Variants in PLCH2 observed in about 807,000 individuals in gnomAD.
PLCH2 encodes the protein 1-phosphatidylinositol 4,5-bisphosphate phosphodiesterase eta-2.
Under a neutral mutation model 134.7 loss-of-function variants are expected in PLCH2, and 98 were observed. That is an observed-to-expected ratio of 0.73 (90% CI 0.62 to 0.86). The LOEUF is 0.86. Ranked by LOEUF, PLCH2 falls within the 40% of genes least tolerant of loss-of-function variation. PLCH2 has a pLI of 0.00. For missense variants in PLCH2, 1,994 were observed against 1,986.6 expected (o/e 1.00, Z -0.07); for synonymous variants, 974 against 827.5 (o/e 1.18, Z -3.04).
At chr1:2,478,440 T>A in intron 1 of PLCH2, 36 bp from the exon 2 acceptor site, 1 of 1,606,386 alleles carries the variant, frequency 6.2e-7, no homozygotes, top group Non-Finnish European at 8.5e-7. Context: ...GGAGTGGCTG[T>A]GCCTCCGCTG....
intron 12 of PLCH2, among the ~76,000 whole-genome samples, chr1:2,495,180 G>T (rs560872191): frequency 1.1e-4 from 17 of 152,336 alleles, no homozygotes; most frequent in Non-Finnish European, 2.5e-4. Flanking sequence ...AGGTGCCAGG[G>T]ACTGGGCCAG....
At chr1:2,419,211 C>G in the PLCH2 span, among the ~76,000 whole-genome samples, 2 of 152,206 alleles carry the variant, frequency 1.3e-5, no homozygotes, top group African/African-American at 4.8e-5. Context: ...GGCTGCCGGC[C>G]TGGTCTGCAC....
At position 2,487,223 on chromosome 1, in the gene PLCH2, C is replaced by T. The variant is rs775425662; in HGVS notation, c.961C>T (p.His321Tyr). ...SPAGDIFNPE[H>Y]HHVHQDMTQP... is the part of the protein sequence containing the mutation. ...TGCTGGTGACATCTTCAACCCTGAG[C>T]ACCACCATGTGCACCAGGACATGAC... Residue 321 changes from histidine (H) to tyrosine (Y), a missense_variant, in exon 7 of 22, where the codon CAC (histidine) becomes TAC (tyrosine). His to Tyr is a moderately conservative substitution (Grantham distance 83). Coordinates refer to ENST00000378486, the MANE Select transcript of PLCH2 (RefSeq NM_014638.4). 6.2e-7 allele frequency: 1 copy of T among 1,601,618 alleles called. No individual in the cohort carries two copies.
Position 2,448,161 on chromosome 1 carries a change from C to T in PLCH2, c.115+17532C>T, listed in dbSNP as rs1205763197. On this transcript the variant is annotated intron_variant, in intron 2 of 3. Coordinates refer to the PLCH2 transcript ENST00000609981. The surrounding 1 kb of genome is among the most constrained non-coding windows in gnomAD (Gnocchi z 4.0). The stretch of plus-strand genomic sequence containing the variant: ...TTGCCCTCCTGGAGCGCCAGGTGCC[C>T]CGGGTGTCTGGAGCACCACGACATG... Among the ~76,000 whole-genome samples the T allele has an allele frequency of 6.6e-6, 1 of 152,216 alleles. No homozygotes were observed. The highest frequency in any genetic ancestry group is 1.9e-4 in the East Asian group (1 of 5,194).
chr1:2,495,835 C>A (rs897128459), intron 13 of PLCH2, among the ~76,000 whole-genome samples: 34 of 152,172 alleles, frequency 2.2e-4, no homozygotes, highest in African/African-American at 7.9e-4. Context: ...TGTCGGCTCT[C>A]GGTCCTCACC....
chr1:2,475,938 G>A (rs1641590459), upstream of PLCH2, among the ~76,000 whole-genome samples: 1 of 152,188 alleles, frequency 6.6e-6, no homozygotes, highest in Admixed American at 6.5e-5. Context: ...TCCACTCAGA[G>A]GTCCTCATAA....
chr1:2,500,191 A>C (rs1570489538), intron 20 of PLCH2: 1 of 161,266 alleles, frequency 6.2e-6, no homozygotes, highest in Non-Finnish European at 1.3e-5. Context: ...CCCCTGCCCC[A>C]GGTCAGGGTG....
intron 2 of PLCH2, among the ~76,000 whole-genome samples, chr1:2,431,429 T>C (rs1339078273): frequency 6.6e-6 from 1 of 152,072 alleles, no homozygotes; most frequent in Non-Finnish European, 1.5e-5. Context: ...CCCAGACAGG[T>C]CTTCGCCATC....
Position 2,498,415 on chromosome 1 carries a change from C to T in PLCH2, c.2225-108C>T, listed in dbSNP as rs1292199382. 1 of 1,310,554 alleles carries T rather than the reference C, an allele frequency of 7.6e-7. No homozygotes were observed. The highest frequency in any genetic ancestry group is 1.0e-6 in the Non-Finnish European group (1 of 962,558). The allele number at this position is 1,310,554 out of a possible 1,614,324, so 81.2% of individuals were successfully genotyped here. ...CCCTCCCTCCCCCTGGCACCGGCTC[C>T]AGTCTCCTATGTGGGGGCTGGGGAG... On this transcript the variant is annotated intron_variant, in intron 16 of 21. Coordinates refer to ENST00000378486, the MANE Select transcript of PLCH2 (RefSeq NM_014638.4). This position sits in a 1 kb window ranked among gnomAD's most constrained non-coding sequence, Gnocchi z 5.4.
At position 2,505,432 on chromosome 1, in the gene PLCH2, A is replaced by G; in HGVS notation, c.*219A>G. The G allele has an allele frequency of 1.8e-6, 1 of 566,518 alleles. No homozygotes were observed. Among genetic ancestry groups the G allele is most frequent in the South Asian group, 2.2e-5 (1 of 45,966 alleles). The allele number at this position is 566,518 out of a possible 1,614,324, so 35.1% of individuals were successfully genotyped here. A position where few individuals can be genotyped will look rare whatever the true frequency, so the allele number is the denominator to read the frequency against. On this transcript the variant is annotated 3_prime_UTR_variant, in exon 22 of 22. Coordinates refer to ENST00000378486, the MANE Select transcript of PLCH2 (RefSeq NM_014638.4). ...GAGGGGCTTCGAGGCTGGCCCTGCC[A>G]GGCAGTTTTCCCGGCGTTTTAGGAT...
upstream of PLCH2, among the ~76,000 whole-genome samples, chr1:2,421,592 T>C (rs1182525932): frequency 6.6e-6 from 1 of 152,210 alleles, no homozygotes; most frequent in African/African-American, 2.4e-5. Context: ...CCCCACTCTG[T>C]GCTCTGTGGG....
chr1:2,425,812 T>C (rs528974491), upstream of PLCH2, among the ~76,000 whole-genome samples: 136 of 152,048 alleles, frequency 8.9e-4, no homozygotes, highest in African/African-American at 3.1e-3. Context: ...AGTGAGGCAC[T>C]GCGCTGGGCT....
At position 2,444,234 on chromosome 1, in the gene PLCH2, C is replaced by T. The variant is rs1639834315; in HGVS notation, c.115+13605C>T. On this transcript the variant is annotated intron_variant, in intron 2 of 3. Transcript: ENST00000609981. The surrounding 1 kb of genome is among the most constrained non-coding windows in gnomAD (Gnocchi z 4.6). ...CGCCCCTCGGCAAACTTTCCTTCCCCGGGCTTCTGCGGAGGTCGCACTGGG... is the reference window on the plus strand; with the variant it reads ...CGCCCCTCGGCAAACTTTCCTTCCCTGGGCTTCTGCGGAGGTCGCACTGGG... Among the ~76,000 whole-genome samples the T allele has an allele frequency of 1.3e-5, 2 of 152,194 alleles. No individual in the cohort carries two copies. The highest frequency in any genetic ancestry group is 2.1e-4 in the South Asian group (1 of 4,830).
upstream of PLCH2, among the ~76,000 whole-genome samples, chr1:2,421,955 C>A (rs762478265): frequency 6.6e-6 from 1 of 150,420 alleles, no homozygotes; most frequent in Non-Finnish European, 1.5e-5. Flanking sequence ...GCCCAGGCGA[C>A]GGAGCAAGAC....
At chr1:2,492,614 C>T (rs1424968952) in intron 11 of PLCH2, 1 of 152,326 alleles carries the variant, frequency 6.6e-6, no homozygotes, top group African/African-American at 2.4e-5. Flanking sequence ...GGACACACAC[C>T]CCAGAAGGGT....
intron 2 of PLCH2, among the ~76,000 whole-genome samples, chr1:2,460,252 C>T (rs1259709463): frequency 3.3e-5 from 5 of 152,250 alleles, no homozygotes; most frequent in South Asian, 2.1e-4. Context: ...GGTCCCAGGC[C>T]GGGTTCCCCC....
chr1:2,451,808 C>G (rs1398668544), intron 2 of PLCH2, among the ~76,000 whole-genome samples: 1 of 152,154 alleles, frequency 6.6e-6, no homozygotes, highest in Admixed American at 6.5e-5. Flanking sequence ...GCCCTGCCCC[C>G]ACTGCGTCTG....
upstream of PLCH2, among the ~76,000 whole-genome samples, chr1:2,422,353 C>T (rs144628525): frequency 6.6e-6 from 1 of 152,168 alleles, no homozygotes; most frequent in Non-Finnish European, 1.5e-5. Context: ...AAAATACTTT[C>T]AAAACAAAAA....
chr1:2,479,739 A>G lies in PLCH2; in HGVS notation c.277A>G (p.Ile93Val), dbSNP rs1293105276. ...GCTCCCTCCCCACCCCGCAGTCTCC[A>G]TCGACTCCATCCAGGAGGTGAGTGA... ...SRKNEKAKIS[I>V]DSIQEVSEGR... The change falls in exon 3 of 22, where the codon ATC becomes GTC. Residue 93 changes from isoleucine to valine, a missense_variant. Transcript: ENST00000378486. 1.4e-5 allele frequency: 21 copies of G among 1,539,732 alleles called. No individual in the cohort carries two copies. The highest frequency in any genetic ancestry group is 1.7e-5 in the Non-Finnish European group (19 of 1,138,316).
Sources: gnomAD v4.1 joint callset for allele counts (sites outside exome capture counted in the v4.1 genomes callset) on GRCh38, gnomAD v4.1.1 for gene constraint, Gnocchi (gnomAD v3.1) non-coding constraint, MANE v1.5 for transcripts, NCBI Gene and HGNC (gene_info 2026-07-23, HGNC 2026-07-21) for gene names.